The following OLFM1 variants were observed in gnomAD, a reference collection of about 807,000 sequenced individuals.
The protein encoded by OLFM1 is olfactomedin 1, also known as noelin.
In OLFM1, 9 loss-of-function variants were observed where a neutral mutation model predicts 49.7. The ratio of observed to expected loss-of-function variants is 0.18; its 90% CI spans 0.11 to 0.32. The LOEUF (loss-of-function observed/expected upper bound fraction) is 0.32. Ranked by LOEUF, OLFM1 falls within the 10% of genes least tolerant of loss-of-function variation. The pLI is 1.00. For missense variants in OLFM1, 369 were observed against 661.8 expected (o/e 0.56, Z 4.85); for synonymous variants, 240 against 271.8 (o/e 0.88, Z 1.15).
rs202192393 is a variant in OLFM1, at chr9:135,113,339, G to A, written c.784-6165G>A. On this transcript the variant is annotated intron_variant, in intron 5 of 5. Coordinates refer to ENST00000371793, the MANE Select transcript of OLFM1 (RefSeq NM_001282611.2). The surrounding 1 kb of genome is among the most constrained non-coding windows in gnomAD (Gnocchi z 4.0). Reference sequence around the variant, plus strand: ...TGGTCTTATGGCCTTCTTCCTTTGGGTGGTGCCTGGGCCTGATGAGCTCCA... The same window carrying A: ...TGGTCTTATGGCCTTCTTCCTTTGGATGGTGCCTGGGCCTGATGAGCTCCA... Among the ~76,000 whole-genome samples, 1 of 152,174 alleles carries A rather than the reference G, an allele frequency of 6.6e-6. No homozygotes were observed. Among genetic ancestry groups the A allele is most frequent in the Admixed American group, 6.5e-5 (1 of 15,290 alleles).
chr9:135,077,963 G>T (rs1830489495), intron 1 of OLFM1, among the ~76,000 whole-genome samples: 1 of 152,226 alleles, frequency 6.6e-6, no homozygotes, highest in Admixed American at 6.5e-5. Flanking sequence ...TCCCCACCTG[G>T]GTGGGCCCCA....
In OLFM1 at chr9:135,078,030, G is replaced by C. The variant is rs376799997; in HGVS notation, c.96+2228G>C. ...ACCTCTAAGATGGCATCTGGGGTCG[G>C]GAATGGGTGTGGGGGCAGGACCAGC... On this transcript the variant is annotated intron_variant, in intron 1 of 5. Coordinates refer to the OLFM1 transcript ENST00000252854. 2.4e-4 allele frequency among the ~76,000 whole-genome samples: 36 copies of C among 152,340 alleles called. 3 individuals are homozygous for C. Among genetic ancestry groups the C allele is most frequent in the African/African-American group, 8.7e-4 (36 of 41,576 alleles).
chr9:135,100,897 G>C (rs12005014), intron 4 of OLFM1, among the ~76,000 whole-genome samples: 6,005 of 149,310 alleles, frequency 0.04, 221 homozygotes, highest in African/African-American at 0.098. Context: ...CTGATAACTG[G>C]ATAGGTAGTT....
chr9:135,100,037 A>G (rs1457086106), intron 4 of OLFM1, among the ~76,000 whole-genome samples: 1 of 152,130 alleles, frequency 6.6e-6, no homozygotes, highest in Non-Finnish European at 1.5e-5. Context: ...AGGACCTCCA[A>G]ACACTCCCAC....
intron 1 of OLFM1, among the ~76,000 whole-genome samples, chr9:135,078,168 T>C (rs913298962): frequency 2.6e-5 from 4 of 152,278 alleles, no homozygotes; most frequent in African/African-American, 7.2e-5. Flanking sequence ...TATTTGTGAG[T>C]GAGTGAAGAA....
chr9:135,109,435 AGT>A (rs1353085933), intron 5 of OLFM1, among the ~76,000 whole-genome samples: 1 of 151,988 alleles, frequency 6.6e-6, no homozygotes, highest in Non-Finnish European at 1.5e-5. Context: ...TGGTGGGTAG[AGT>A]GTGGGGAGAA....
At chr9:135,091,814 T>TCACAC (rs1372396008) in intron 2 of OLFM1, among the ~76,000 whole-genome samples, 1 of 70,854 alleles carries the variant, frequency 1.4e-5, no homozygotes, top group African/African-American at 6.2e-5. Flanking sequence ...CACACTCACA[T>TCACAC]AGTCACACAC....
In OLFM1 at chr9:135,120,917, GA is replaced by G. The variant is rs61558208; in HGVS notation, c.*749del. 25,469 of 149,572 alleles carry G rather than the reference GA, an allele frequency of 0.17. 3,919 individuals are homozygous for G. Among genetic ancestry groups the G allele is most frequent in the African/African-American group, 0.41 (16,980 of 40,936 alleles). The allele number at this position is 149,572 out of a possible 1,614,324, so 9.3% of individuals were successfully genotyped here. ...AGTGGATGGTTTTTGTTTCTAAAAA[GA>G]AAAAAAAAATCAGTGTTCACCCTTA... On this transcript the variant is annotated 3_prime_UTR_variant, in exon 6 of 6. Transcript: ENST00000371793.
At chr9:135,095,784 C>A in intron 2 of OLFM1, 80 bp from the exon 3 acceptor site, 1 of 1,477,764 alleles carries the variant, frequency 6.8e-7, no homozygotes, top group South Asian at 1.2e-5. Context: ...TGGGAAAGGG[C>A]AATGTCTGTA....
intron 4 of OLFM1, chr9:135,105,805 A>G (rs1047380995): frequency 3.3e-5 from 5 of 152,294 alleles, no homozygotes; most frequent in African/African-American, 1.2e-4. Context: ...CCTCCCCAGG[A>G]AAGCCACCCA....
chr9:135,119,177 C>T (rs374168085), intron 5 of OLFM1, among the ~76,000 whole-genome samples: 6 of 146,490 alleles, frequency 4.1e-5, no homozygotes, highest in East Asian at 2.2e-4. Flanking sequence ...GAGTACTTAC[C>T]GGGTCTTTGG....
At chr9:135,076,820 A>G (rs1037089871) in intron 1 of OLFM1, 10 of 1,545,942 alleles carry the variant, frequency 6.5e-6, no homozygotes, top group Non-Finnish European at 8.7e-6. Context: ...AGAATAAAAG[A>G]GAAAACAAAG....
chr9:135,087,401 C>A (rs4604524), upstream of OLFM1: 15,787 of 1,546,150 alleles, frequency 0.01, 1,413 homozygotes, highest in African/African-American at 0.19. Flanking sequence ...ACGGGAGGGC[C>A]GCGGGCCGTG....
intron 4 of OLFM1, among the ~76,000 whole-genome samples, chr9:135,100,007 T>C (rs1026028984): frequency 6.6e-6 from 1 of 152,190 alleles, no homozygotes; most frequent in Non-Finnish European, 1.5e-5. Flanking sequence ...TTGAGTGACC[T>C]CACCATTGCC....
chr9:135,095,793 T>TA, intron 2 of OLFM1, 71 bp from the exon 3 acceptor site: 1 of 1,548,792 alleles, frequency 6.5e-7, no homozygotes. Flanking sequence ...GCAATGTCTG[T>TA]ACGAGCAGGC....
At position 135,080,452 on chromosome 9, in the gene OLFM1, C is replaced by T. The variant is rs1053414853; in HGVS notation, c.96+4650C>T. On this transcript the variant is annotated intron_variant, in intron 1 of 5. Transcript: ENST00000252854. The surrounding 1 kb of genome is among the most constrained non-coding windows in gnomAD (Gnocchi z 4.5). ...AGTTGGCTGTGGCCTCTCAGGCTGG[C>T]AATGCCTCTGGACACACGGAGGGAG... Among the ~76,000 whole-genome samples, 2 of 152,128 alleles carry T rather than the reference C, an allele frequency of 1.3e-5. No individual in the cohort carries two copies. The highest frequency in any genetic ancestry group is 2.4e-5 in the African/African-American group (1 of 41,422).
At chr9:135,118,149 G>A (rs530284240) in intron 5 of OLFM1, among the ~76,000 whole-genome samples, 10 of 152,284 alleles carry the variant, frequency 6.6e-5, no homozygotes, top group African/African-American at 1.9e-4. Flanking sequence ...ACAGCTTCCC[G>A]CCCAAGGAAC....
intron 4 of OLFM1, among the ~76,000 whole-genome samples, chr9:135,100,929 ATT>A (rs1237327397): frequency 6.6e-6 from 1 of 152,016 alleles, no homozygotes; most frequent in Non-Finnish European, 1.5e-5. Context: ...TGATTGATTG[ATT>A]GATTGATTGA....
At chr9:135,096,999 G>A (rs997824718) in intron 3 of OLFM1, among the ~76,000 whole-genome samples, 6 of 152,260 alleles carry the variant, frequency 3.9e-5, no homozygotes, top group Non-Finnish European at 7.4e-5. Flanking sequence ...GTTATATGCC[G>A]CCTTAATGAA....
Sources: allele counts gnomAD v4.1 joint callset (sites outside exome capture counted in the v4.1 genomes callset), GRCh38; gene constraint gnomAD v4.1.1; non-coding constraint Gnocchi (gnomAD v3.1); transcripts MANE v1.5; gene names NCBI Gene and HGNC (gene_info 2026-07-23, HGNC 2026-07-21).